EIF4G3: variants seen among roughly 807,000 people sequenced by gnomAD.
EIF4G3 encodes eIF-4-gamma 3.
In EIF4G3, 34 loss-of-function variants were observed where a neutral mutation model predicts 186.4. The ratio of observed to expected loss-of-function variants is 0.18; its 90% confidence interval spans 0.14 to 0.24. The LOEUF (loss-of-function observed/expected upper bound fraction) is 0.24, where lower values mean the gene tolerates loss of function less well. Ranked by LOEUF, EIF4G3 falls within the 10% of genes least tolerant of loss-of-function variation. The pLI, the probability that EIF4G3 is intolerant of heterozygous loss-of-function variation, is 1.00. For synonymous variants in EIF4G3, 673 were observed against 679.5 expected (o/e 0.99, Z 0.15); for missense variants, 1,536 against 1,948.5 (o/e 0.79, Z 3.99).
chr1:20,900,258 T>C (rs1212261232), intron 15 of EIF4G3, among the ~76,000 whole-genome samples: 2 of 152,136 alleles, frequency 1.3e-5, no homozygotes, highest in Non-Finnish European at 2.9e-5. Context: ...AGAGTCCTAG[T>C]CAGAATCTAA....
intron 14 of EIF4G3, among the ~76,000 whole-genome samples, chr1:20,909,006 G>A (rs950977410): frequency 6.6e-6 from 1 of 152,024 alleles, no homozygotes; most frequent in African/African-American, 2.4e-5. Context: ...ACAAAAATTA[G>A]CCAGGCATGG....
At chr1:20,827,762 C>A (rs1433311516) in intron 31 of EIF4G3, 64 bp from the exon 32 acceptor site, 8 of 1,172,292 alleles carry the variant, frequency 6.8e-6, no homozygotes. Flanking sequence ...GAACAAGAGG[C>A]AAACAATGTG....
At chr1:21,174,968 T>C (rs540885572) in intron 2 of EIF4G3, 1 of 152,300 alleles carries the variant, frequency 6.6e-6, no homozygotes, top group South Asian at 2.1e-4. Context: ...CTTTCCCTTC[T>C]CAAAGTAATC....
intron 14 of EIF4G3, among the ~76,000 whole-genome samples, chr1:20,926,143 A>G (rs1372841808): frequency 2.0e-5 from 3 of 152,232 alleles, no homozygotes; most frequent in Non-Finnish European, 4.4e-5. Flanking sequence ...ATTTATTTAC[A>G]GGATATGTAG....
intron 4 of EIF4G3, among the ~76,000 whole-genome samples, chr1:21,016,705 C>T (rs1444812544): frequency 6.6e-6 from 1 of 151,430 alleles, no homozygotes; most frequent in Non-Finnish European, 1.5e-5. Flanking sequence ...TGCCTGTAAT[C>T]CCAGCACTCT....
chr1:21,053,090 A>T (rs2094340819), intron 3 of EIF4G3, among the ~76,000 whole-genome samples: 1 of 148,370 alleles, frequency 6.7e-6, no homozygotes, highest in Admixed American at 6.7e-5. Context: ...CAGTCTGGAA[A>T]GTGAGGAGCG....
intron 33 of EIF4G3, among the ~76,000 whole-genome samples, chr1:20,824,887 C>T (rs188374420): frequency 6.6e-6 from 1 of 152,172 alleles, no homozygotes; most frequent in East Asian, 1.9e-4. Context: ...CTATAGGTTG[C>T]TAAGTCTTTT....
At chr1:21,028,334 A>G (rs1475651812) in intron 4 of EIF4G3, among the ~76,000 whole-genome samples, 1 of 152,180 alleles carries the variant, frequency 6.6e-6, no homozygotes, top group Non-Finnish European at 1.5e-5. Flanking sequence ...AAAAAAGAGA[A>G]AGGTTCAGAG....
At chr1:20,946,495 T>C (rs2095955851) in intron 13 of EIF4G3, among the ~76,000 whole-genome samples, 1 of 152,208 alleles carries the variant, frequency 6.6e-6, no homozygotes, top group South Asian at 2.1e-4. Context: ...TGTAAAATGG[T>C]AGATTTGTCT....
intron 2 of EIF4G3, among the ~76,000 whole-genome samples, chr1:21,162,894 T>C (rs1458586840): frequency 6.6e-6 from 1 of 152,210 alleles, no homozygotes; most frequent in African/African-American, 2.4e-5. Context: ...TCAGTGTTGT[T>C]AAAGACCTCA....
At chr1:21,045,198 A>C (rs1471284825) in intron 4 of EIF4G3, among the ~76,000 whole-genome samples, 1 of 152,206 alleles carries the variant, frequency 6.6e-6, no homozygotes, top group African/African-American at 2.4e-5. Context: ...GACAACACAG[A>C]GAAATTCTCC....
chr1:21,058,717 CTCTTTTTTTT>C (rs2094706147), intron 3 of EIF4G3, among the ~76,000 whole-genome samples: 1 of 104,620 alleles, frequency 9.6e-6, no homozygotes, highest in Non-Finnish European at 1.8e-5. Context: ...CTCTCTCTCT[CTCTTTTTTTT>C]TTTTTTTTTT....
At chr1:20,904,997 C>A in intron 14 of EIF4G3, 26 bp from the exon 15 acceptor site, 1 of 1,546,838 alleles carries the variant, frequency 6.5e-7, no homozygotes, top group Non-Finnish European at 8.9e-7. Context: ...AGGCCCATTA[C>A]TTGCCACTGC....
intron 34 of EIF4G3, among the ~76,000 whole-genome samples, chr1:20,816,296 G>A (rs1452075022): frequency 3.9e-5 from 1 of 25,564 alleles, no homozygotes. Flanking sequence ...CCCCCTGCCC[G>A]GCCAGCCGCC....
intron 3 of EIF4G3, among the ~76,000 whole-genome samples, chr1:21,078,692 A>G (rs560566236): frequency 2.0e-5 from 3 of 152,242 alleles, no homozygotes; most frequent in African/African-American, 7.2e-5. Flanking sequence ...ATGCATCAAA[A>G]TAACACACGT....
chr1:20,958,459 T>C (rs1262770612), intron 12 of EIF4G3, among the ~76,000 whole-genome samples: 1 of 152,074 alleles, frequency 6.6e-6, no homozygotes, highest in Non-Finnish European at 1.5e-5. Context: ...TGGGAAAAAG[T>C]TGAAAGCATT....
intron 2 of EIF4G3, among the ~76,000 whole-genome samples, chr1:21,100,946 C>CA (rs2096502756): frequency 6.6e-6 from 1 of 152,172 alleles, no homozygotes; most frequent in African/African-American, 2.4e-5. Flanking sequence ...TGCTTTTTGA[C>CA]ACTACTCCTG....
chr1:21,063,726 G>C (rs1325462322), intron 3 of EIF4G3, among the ~76,000 whole-genome samples: 1 of 124,086 alleles, frequency 8.1e-6, no homozygotes, highest in African/African-American at 2.9e-5. Flanking sequence ...GTGTTGGGGG[G>C]GGGGACGCAG....
intron 2 of EIF4G3, among the ~76,000 whole-genome samples, chr1:21,146,162 T>G (rs1339582938): frequency 6.6e-6 from 1 of 152,152 alleles, no homozygotes; most frequent in Non-Finnish European, 1.5e-5. Flanking sequence ...CAGACCAGTC[T>G]GAGCAACATA....
Sources: gnomAD v4.1 joint callset for allele counts (sites outside exome capture counted in the v4.1 genomes callset) on GRCh38, gnomAD v4.1.1 for gene constraint, MANE v1.5 for transcripts, NCBI Gene and HGNC (gene_info 2026-07-23, HGNC 2026-07-21) for gene names.